LONP2: variants seen among roughly 807,000 people sequenced by gnomAD.
The protein encoded by LONP2 is lon peptidase 2, peroxisomal.
In LONP2, 60 loss-of-function variants were observed where a neutral mutation model predicts 85.6. The observed-to-expected ratio is 0.70, with a 90% CI of 0.57 to 0.87. The LOEUF is 0.87. LONP2 is among the 40% of genes least tolerant of loss of function. The pLI, the probability that LONP2 is intolerant of heterozygous loss-of-function variation, is 0.00. For missense variants in LONP2, 860 were observed against 1,063.5 expected (o/e 0.81, Z 2.66); for synonymous variants, 395 against 389.7 (o/e 1.01, Z -0.16).
In LONP2 at chr16:48,330,442, G is replaced by A. The variant is rs187167430; in HGVS notation, c.1796-3774G>A. On this transcript the variant is annotated intron_variant, in intron 11 of 14. Transcript: ENST00000285737. ...AATTAATCCAAGGGATGATGCCACTGTCTTCTCCTGGTGCTGGTCCTTTCT... is the reference window on the plus strand; with the variant it reads ...AATTAATCCAAGGGATGATGCCACTATCTTCTCCTGGTGCTGGTCCTTTCT... Among the ~76,000 whole-genome samples, 14 of 152,336 alleles carry A rather than the reference G, an allele frequency of 9.2e-5. No homozygotes were observed. In the East Asian group the frequency reaches 2.1e-3, roughly 23 times the overall value.
At chr16:48,327,489 AC>A (rs2151019797) in intron 11 of LONP2, among the ~76,000 whole-genome samples, 1 of 152,116 alleles carries the variant, frequency 6.6e-6, no homozygotes, top group Admixed American at 6.6e-5. Context: ...ATGGAATCTC[AC>A]GTTGTCGCCC....
chr16:48,245,100 A>G (rs1423798716), intron 1 of LONP2, among the ~76,000 whole-genome samples: 1 of 151,920 alleles, frequency 6.6e-6, no homozygotes, highest in Non-Finnish European at 1.5e-5. Context: ...CGTGAGTTTT[A>G]ACTTTTCCTG....
chr16:48,333,072 C>G (rs1959510475), intron 11 of LONP2, among the ~76,000 whole-genome samples: 1 of 152,122 alleles, frequency 6.6e-6, no homozygotes, highest in African/African-American at 2.4e-5. Context: ...ACAATTACGG[C>G]AAACTAAAAG....
chr16:48,325,209 T>C (rs1475910736), intron 11 of LONP2, among the ~76,000 whole-genome samples: 1 of 152,166 alleles, frequency 6.6e-6, no homozygotes, highest in Non-Finnish European at 1.5e-5. Context: ...TATGAGAATC[T>C]AATGCCGCTG....
Position 48,261,531 on chromosome 16 carries a change from A to G in LONP2, c.831A>G (p.Ile277Met). Residue 277 changes from isoleucine to methionine, a missense_variant, in exon 5 of 15, where the codon ATA (isoleucine) becomes ATG (methionine). Around this residue, in one of 3 missense-constraint regions of LONP2, gnomAD observed 743 missense variants for 917.3 expected, o/e 0.81. Coordinates refer to ENST00000285737, the MANE Select transcript of LONP2 (RefSeq NM_031490.5). ...ACATTGTCATGCTAGAGAAAAAAAT[A>G]CGAACATCTAGTATGCCAGAGCAGG... ...NDDIVMLEKK[I>M]RTSSMPEQAH... 1 of 1,608,510 alleles carries G rather than the reference A, an allele frequency of 6.2e-7. No homozygotes were observed. The highest frequency in any genetic ancestry group is 2.2e-5 in the East Asian group (1 of 44,590).
intron 11 of LONP2, among the ~76,000 whole-genome samples, chr16:48,319,308 G>A (rs1311006426): frequency 6.6e-6 from 1 of 152,048 alleles, no homozygotes; most frequent in African/African-American, 2.4e-5. Flanking sequence ...TTGAGCCCAA[G>A]AGGTGGAGGT....
chr16:48,251,835 C>T (rs1251299487), intron 1 of LONP2, among the ~76,000 whole-genome samples: 6 of 152,136 alleles, frequency 3.9e-5, no homozygotes, highest in African/African-American at 1.4e-4. Context: ...ATATGTAATT[C>T]TCAGCTGCTT....
intron 6 of LONP2, among the ~76,000 whole-genome samples, chr16:48,264,921 C>T (rs556062615): frequency 3.4e-4 from 51 of 150,850 alleles, no homozygotes; most frequent in African/African-American, 1.2e-3. Context: ...GCCCTTTTCT[C>T]CATATCCTCA....
chr16:48,316,428 G>A (rs770067203), intron 11 of LONP2, among the ~76,000 whole-genome samples: 64 of 147,584 alleles, frequency 4.3e-4, no homozygotes, highest in Admixed American at 6.9e-4. Context: ...CCAGGTTCAA[G>A]TGATTCTCTT....
intron 6 of LONP2, among the ~76,000 whole-genome samples, chr16:48,265,470 G>A (rs1207998732): frequency 6.6e-6 from 1 of 152,160 alleles, no homozygotes; most frequent in Non-Finnish European, 1.5e-5. Flanking sequence ...TTCTTGAAGA[G>A]ACTGCCCTTT....
At position 48,303,218 on chromosome 16, in the gene LONP2, G is replaced by A; in HGVS notation, c.1708G>A (p.Ala570Thr). 1.2e-6 allele frequency: 2 copies of A among 1,614,140 alleles called. No homozygotes were observed. The highest frequency in any genetic ancestry group is 1.7e-6 in the Non-Finnish European group (2 of 1,180,028). The change falls in exon 11 of 15, where the codon GCC (alanine) becomes ACC (threonine). Residue 570 changes from alanine (A) to threonine (T), a missense_variant. Transcript: ENST00000285737. ...GVRSLDRKLG[A>T]ICRAVAVKVA... ...TCGTTCTCTGGATAGAAAACTTGGG[G>A]CCATTTGCCGAGCTGTGGCCGTGAA...
intron 12 of LONP2, chr16:48,336,292 G>A: frequency 2.2e-6 from 1 of 452,912 alleles, no homozygotes. Context: ...GTTAGCATGG[G>A]AGAACCTTAT....
chr16:48,257,448 A>G (rs975517115), intron 3 of LONP2, among the ~76,000 whole-genome samples: 1 of 152,112 alleles, frequency 6.6e-6, no homozygotes, highest in Non-Finnish European at 1.5e-5. Context: ...TCTTATATAA[A>G]TCACACCTAT....
intron 8 of LONP2, among the ~76,000 whole-genome samples, chr16:48,278,887 C>T (rs1972268741): frequency 6.6e-6 from 1 of 152,038 alleles, no homozygotes; most frequent in Non-Finnish European, 1.5e-5. Flanking sequence ...TATTATGTTT[C>T]AGACTTATCT....
At chr16:48,299,837 A>G (rs1441810635) in intron 10 of LONP2, 49 bp downstream of exon 10, 3 of 1,571,308 alleles carry the variant, frequency 1.9e-6, no homozygotes, top group Admixed American at 3.8e-5. Flanking sequence ...ACTTTTGAGT[A>G]TTTACTGAGT....
At position 48,347,587 on chromosome 16, in the gene LONP2, G is replaced by A. The variant is rs199918493; in HGVS notation, c.2019G>A (p.Glu673=). The A allele has an allele frequency of 1.7e-5, 28 of 1,614,142 alleles. No homozygotes were observed. The highest frequency in any genetic ancestry group is 2.3e-5 in the Non-Finnish European group (27 of 1,180,050). ...TPLGGEIMFV[E]ASRMDGEGQL... ...TAGGTGGAGAAATCATGTTCGTGGAGGCGAGTCGAATGGATGGCGAGGGCC... is the reference window on the plus strand; with the variant it reads ...TAGGTGGAGAAATCATGTTCGTGGAAGCGAGTCGAATGGATGGCGAGGGCC... Residue 673 remains glutamate (E), a synonymous_variant, in exon 13 of 15, where the codon GAG becomes GAA. Coordinates refer to ENST00000285737, the MANE Select transcript of LONP2 (RefSeq NM_031490.5).
rs1011088888 is a variant in LONP2 at position 48,334,315 on chromosome 16, A to G, written c.1895A>G (p.His632Arg). Residue 632 changes from histidine to arginine, a missense_variant, in exon 12 of 15, where the codon CAT becomes CGT. Around this residue, in one of 3 missense-constraint regions of LONP2, gnomAD observed 743 missense variants for 917.3 expected, o/e 0.81. Coordinates refer to ENST00000285737, the MANE Select transcript of LONP2 (RefSeq NM_031490.5). The stretch of plus-strand genomic sequence containing the variant: ...GAAATGCCGATTTTGATTGATTTCC[A>G]TGCTCTGAAAGACATCCTTGGGCCC... ...PPEMPILIDFHALKDILGPPM... is the reference protein window; with the variant it reads ...PPEMPILIDFRALKDILGPPM... The G allele has an allele frequency of 1.9e-6, 3 of 1,614,116 alleles. No homozygotes were observed. The highest frequency in any genetic ancestry group is 1.3e-5 in the African/African-American group (1 of 75,030).
At chr16:48,258,837 C>T (rs1306998606) in intron 4 of LONP2, 97 bp downstream of exon 4, 1 of 1,115,728 alleles carries the variant, frequency 9.0e-7, no homozygotes, top group Non-Finnish European at 1.2e-6. Flanking sequence ...CTACCACTCG[C>T]ACTACTGATA....
Position 48,347,668 on chromosome 16 carries a change from T to G in LONP2, c.2100T>G (p.Ala700=). ...GDVMKESAHL[A]ISWLRSNAKK... The stretch of plus-strand genomic sequence containing the variant: ...TGATGAAGGAGTCCGCCCACCTCGC[T>G]ATCAGCTGGCTCCGCAGCAACGCAA... Residue 700 remains alanine, a synonymous_variant, in exon 13 of 15, where the codon GCT becomes GCG. Coordinates refer to ENST00000285737, the MANE Select transcript of LONP2 (RefSeq NM_031490.5). 4 of 1,614,158 alleles carry G rather than the reference T, an allele frequency of 2.5e-6. No individual in the cohort carries two copies. The highest frequency in any genetic ancestry group is 3.4e-6 in the Non-Finnish European group (4 of 1,180,018).
Sources: gnomAD v4.1 joint callset for allele counts (sites outside exome capture counted in the v4.1 genomes callset) on GRCh38, gnomAD v4.1.1 for gene constraint, gnomAD v4.1.1 regional missense constraint, MANE v1.5 for transcripts, NCBI Gene and HGNC (gene_info 2026-07-23, HGNC 2026-07-21) for gene names.